MCPH1: variants seen among roughly 807,000 people sequenced by gnomAD.
MCPH1 encodes the protein microcephalin.
MCPH1 carries 104 observed loss-of-function variants against 84.5 expected under a neutral mutation model. The observed-to-expected ratio is 1.23, with a 90% CI of 1.05 to 1.45. MCPH1 has a LOEUF of 1.45. MCPH1 is among the 40% of genes most tolerant of loss of function. The probability of loss-of-function intolerance (pLI) is 0.00; values close to 1 mark genes in which losing one functional copy is unlikely to be tolerated. For missense variants in MCPH1, 1,498 were observed against 1,005.7 expected, an observed-to-expected ratio of 1.49 and a Z score of -6.62; for synonymous variants, 514 against 366.8, an observed-to-expected ratio of 1.40 and a Z score of -4.58.
chr8:6,566,284 G>A (rs1244471930), intron 12 of MCPH1, among the ~76,000 whole-genome samples: 1 of 152,248 alleles, frequency 6.6e-6, no homozygotes, highest in Non-Finnish European at 1.5e-5. Flanking sequence ...TAGGTGGTCT[G>A]TGGGGGTAGG....
intron 11 of MCPH1, among the ~76,000 whole-genome samples, chr8:6,498,279 C>T (rs73520702): frequency 0.017 from 2,653 of 152,274 alleles, 85 homozygotes; most frequent in African/African-American, 0.061. Context: ...TACAGCCTTA[C>T]CTGTGCTCTT....
At chr8:6,530,634 A>G (rs734703) in intron 12 of MCPH1, among the ~76,000 whole-genome samples, 102,357 of 151,834 alleles carry the variant, frequency 0.67, 34,868 homozygotes, top group Non-Finnish European at 0.72. Flanking sequence ...TGACTTCCTA[A>G]GATTTAAATT....
intron 12 of MCPH1, among the ~76,000 whole-genome samples, chr8:6,580,214 C>G (rs1438749151): frequency 6.6e-6 from 1 of 152,200 alleles, no homozygotes; most frequent in Non-Finnish European, 1.5e-5. Flanking sequence ...CCCCAGCCAA[C>G]CAAAGGGAAA....
intron 3 of MCPH1, among the ~76,000 whole-genome samples, chr8:6,419,134 C>G (rs1318905562): frequency 3.4e-5 from 4 of 116,916 alleles, no homozygotes; most frequent in African/African-American, 1.4e-4. Context: ...CACATACACA[C>G]ACACACACAC....
intron 12 of MCPH1, among the ~76,000 whole-genome samples, chr8:6,531,782 C>T (rs1819566729): frequency 8.6e-6 from 1 of 116,188 alleles, no homozygotes; most frequent in Admixed American, 9.2e-5. Flanking sequence ...TGGCAGCGCT[C>T]AGGGCTCTTG....
chr8:6,484,059 A>G (rs1397832808), intron 11 of MCPH1, among the ~76,000 whole-genome samples: 1 of 152,250 alleles, frequency 6.6e-6, no homozygotes, highest in African/African-American at 2.4e-5. Flanking sequence ...GATGAATAAC[A>G]GAAAACATAG....
chr8:6,567,595 C>A (rs950444174), intron 12 of MCPH1, among the ~76,000 whole-genome samples: 8 of 152,138 alleles, frequency 5.3e-5, no homozygotes, highest in Non-Finnish European at 8.8e-5. Context: ...CAGCTGTGGC[C>A]CCTAGGGAAG....
intron 12 of MCPH1, among the ~76,000 whole-genome samples, chr8:6,557,112 T>G (rs1201059029): frequency 1.3e-5 from 2 of 152,202 alleles, no homozygotes; most frequent in Admixed American, 1.3e-4. Context: ...AAATTCATGT[T>G]CATTCACACT....
chr8:6,471,031 C>T (rs1386763483), intron 9 of MCPH1, among the ~76,000 whole-genome samples: 5 of 151,942 alleles, frequency 3.3e-5, no homozygotes, highest in Admixed American at 2.0e-4. Context: ...ATCGAAGGTC[C>T]TTTTTTTTCA....
intron 9 of MCPH1, among the ~76,000 whole-genome samples, chr8:6,461,914 T>C (rs1806340193): frequency 6.6e-6 from 1 of 152,238 alleles, no homozygotes. Context: ...CTACTACTTC[T>C]GGATTTGGTT....
chr8:6,449,371 C>T (rs1585843281), intron 8 of MCPH1, among the ~76,000 whole-genome samples: 1 of 152,122 alleles, frequency 6.6e-6, no homozygotes, highest in South Asian at 2.1e-4. Context: ...TGATGGCTCA[C>T]GCCTGTAATC....
chr8:6,465,136 C>G (rs1018575287), intron 9 of MCPH1, among the ~76,000 whole-genome samples: 5 of 152,212 alleles, frequency 3.3e-5, no homozygotes, highest in African/African-American at 4.8e-5. Flanking sequence ...TGCGGGGAGT[C>G]AGCTTAATGA....
chr8:6,417,221 G>A (rs1217582526), intron 3 of MCPH1, among the ~76,000 whole-genome samples: 1 of 151,970 alleles, frequency 6.6e-6, no homozygotes, highest in Admixed American at 6.6e-5. Context: ...CTGATTAGCT[G>A]TATATCTTTT....
chr8:6,553,529 C>T (rs1194460229), intron 12 of MCPH1, among the ~76,000 whole-genome samples: 2 of 152,104 alleles, frequency 1.3e-5, no homozygotes, highest in Admixed American at 1.3e-4. Flanking sequence ...TGATCATGTC[C>T]AAGATACCTC....
At chr8:6,455,534 C>T (rs1805580026) in intron 9 of MCPH1, among the ~76,000 whole-genome samples, 1 of 152,112 alleles carries the variant, frequency 6.6e-6, no homozygotes, top group East Asian at 1.9e-4. Flanking sequence ...GTTGGTTGTG[C>T]CAGTGTTTCT....
At chr8:6,563,117 A>G in intron 12 of MCPH1, 1 of 568,158 alleles carries the variant, frequency 1.8e-6, no homozygotes. Context: ...TGTTCTCTCC[A>G]GGCATGCAGT....
In MCPH1 at chr8:6,508,817, G is replaced by C. The variant is rs2515416; in HGVS notation, c.2214+8888G>C. 8 of 1,396,770 alleles carry C rather than the reference G, an allele frequency of 5.7e-6. No homozygotes were observed. In the African/African-American group the frequency reaches 1.1e-4, roughly 20 times the overall value. The allele number at this position is 1,396,770 out of a possible 1,614,324, so 86.5% of individuals were successfully genotyped here. ...ACCTATATCAAGCTAGTGTGTCTAC[G>C]TATGAAATTGTGGACATCGTTACAA... On this transcript the variant is annotated intron_variant, in intron 12 of 13. Transcript: ENST00000344683.
chr8:6,440,836 A>T (rs946003455), intron 6 of MCPH1, among the ~76,000 whole-genome samples: 1 of 152,222 alleles, frequency 6.6e-6, no homozygotes, highest in Non-Finnish European at 1.5e-5. Flanking sequence ...GCTGCATATA[A>T]CAAAGACAAA....
chr8:6,492,694 T>A (rs1018443347), intron 11 of MCPH1, among the ~76,000 whole-genome samples: 19 of 147,096 alleles, frequency 1.3e-4, no homozygotes, highest in Non-Finnish European at 2.4e-4. Flanking sequence ...AAATTTAAAA[T>A]TTTTTTAAAA....
Sources: gnomAD v4.1 joint callset for allele counts (sites outside exome capture counted in the v4.1 genomes callset) on GRCh38, gnomAD v4.1.1 for gene constraint, MANE v1.5 for transcripts, NCBI Gene and HGNC (gene_info 2026-07-23, HGNC 2026-07-21) for gene names.